CD36: variants seen among roughly 807,000 people sequenced by gnomAD.
CD36 encodes platelet glycoprotein 4.
CD36 carries 119 observed loss-of-function variants against 55.2 expected under a neutral mutation model. That is an observed-to-expected ratio of 2.15 (90% CI 1.86 to 2.51). The LOEUF (loss-of-function observed/expected upper bound fraction) is 2.51. Among genes scored for constraint, CD36 ranks in the 30% most tolerant of loss-of-function variants. The probability of loss-of-function intolerance (pLI) is 0.00; values close to 1 mark genes in which losing one functional copy is unlikely to be tolerated. For missense variants in CD36, 819 were observed against 555.5 expected (o/e 1.47, Z -4.77); for synonymous variants, 186 against 193.6 (o/e 0.96, Z 0.33).
At chr7:80,657,204 C>T (rs994129090) in intron 4 of CD36, among the ~76,000 whole-genome samples, 1 of 152,148 alleles carries the variant, frequency 6.6e-6, no homozygotes, top group Non-Finnish European at 1.5e-5. Context: ...AATCCCTCCA[C>T]CCCATCCCAG....
chr7:80,664,639 G>A, intron 7 of CD36, 142 bp downstream of exon 7: 1 of 668,674 alleles, frequency 1.5e-6, no homozygotes, highest in South Asian at 1.6e-5. Context: ...CTCCTGTTCT[G>A]CTAGGTATTA....
rs1199164229 is a variant in CD36, at chr7:80,672,858, A to G, written c.1199+15A>G. 2 of 1,576,350 alleles carry G rather than the reference A, an allele frequency of 1.3e-6. No individual in the cohort carries two copies. Among genetic ancestry groups the G allele is most frequent in the African/African-American group, 1.4e-5 (1 of 74,042 alleles). On this transcript the variant is annotated intron_variant, in intron 12 of 14. Transcript: ENST00000447544. ...GAAAAAATTCAGTGAGTCTCTTGAA[A>G]ATGGTTATTTTGATATGATCTGTAG... is the stretch of plus-strand genomic sequence containing the variant.
chr7:80,671,028 G>GT lies in CD36; in HGVS notation c.871dup (p.Tyr291LeufsTer2), dbSNP rs1205216797. The GT allele has an allele frequency of 2.5e-6, 4 of 1,613,132 alleles. No homozygotes were observed. The Middle Eastern group carries it at 4.9e-4, about 199-fold the overall frequency. ...ACGTTAATCTGAAAGGAATCCCTGT[G>GT]TATAGATTTGTTCTTCCATCCAAGG... On this transcript the variant is annotated frameshift_variant, in exon 10 of 15. Transcript: ENST00000447544. LOFTEE classifies it high-confidence loss of function.
rs1798188415 is a variant in CD36, at chr7:80,677,088, A to G, written c.*705A>G. 1 of 152,122 alleles carries G rather than the reference A, an allele frequency of 6.6e-6. No homozygotes were observed. Among genetic ancestry groups the G allele is most frequent in the Non-Finnish European group, 1.5e-5 (1 of 68,022 alleles). 9.4% of individuals were successfully genotyped at this position (152,122 alleles called of 1,614,324 possible). A position where few individuals can be genotyped will look rare whatever the true frequency, so the allele number is the denominator to read the frequency against. ...TCTCTCTGAAGTATATTTTATCTGA[A>G]TCCACATTTCTTTATAAATCCATAG... On this transcript the variant is annotated 3_prime_UTR_variant, in exon 15 of 15. Coordinates refer to ENST00000447544, the MANE Select transcript of CD36 (RefSeq NM_001001548.3).
At chr7:80,668,405 G>A (rs73134036) in intron 8 of CD36, among the ~76,000 whole-genome samples, 10 of 152,226 alleles carry the variant, frequency 6.6e-5, no homozygotes, top group Non-Finnish European at 4.4e-5. Context: ...TGGCACTAGC[G>A]AAAAGAAAGT....
chr7:80,616,075 G>A (rs949406173), intron 1 of CD36, among the ~76,000 whole-genome samples: 1 of 152,078 alleles, frequency 6.6e-6, no homozygotes, highest in African/African-American at 2.4e-5. Flanking sequence ...GTTCTTTAGA[G>A]TTGATTCTAT....
intron 1 of CD36, among the ~76,000 whole-genome samples, chr7:80,642,989 C>A (rs1178672735): frequency 2.6e-5 from 4 of 152,116 alleles, no homozygotes; most frequent in Non-Finnish European, 1.5e-5. Flanking sequence ...AAGTTCAAAG[C>A]AGACAGAGCT....
At chr7:80,653,789 A>G (rs1184792864) in intron 3 of CD36, among the ~76,000 whole-genome samples, 3 of 152,206 alleles carry the variant, frequency 2.0e-5, no homozygotes, top group African/African-American at 4.8e-5. Context: ...AGGAGTGACT[A>G]CAATTTAATA....
At chr7:80,623,778 A>G (rs1205849491) in intron 1 of CD36, 3 of 152,194 alleles carry the variant, frequency 2.0e-5, no homozygotes, top group Non-Finnish European at 2.9e-5. Flanking sequence ...TCCTCTAACA[A>G]AGACAAAGGA....
intron 1 of CD36, among the ~76,000 whole-genome samples, chr7:80,613,596 T>C (rs888094627): frequency 3.3e-5 from 5 of 152,132 alleles, no homozygotes; most frequent in African/African-American, 1.2e-4. Flanking sequence ...AACAGGAAAC[T>C]GTAGTTAAGA....
intron 7 of CD36, 29 bp downstream of exon 7, chr7:80,664,526 T>A: frequency 8.7e-7 from 1 of 1,149,426 alleles, no homozygotes; most frequent in Non-Finnish European, 1.3e-6. Context: ...TGTGCATGTA[T>A]GTTACTAGGG....
chr7:80,673,781 C>T (rs1797966642), intron 13 of CD36: 1 of 603,074 alleles, frequency 1.7e-6, no homozygotes, highest in Non-Finnish European at 2.9e-6. Flanking sequence ...GCAAATGAAT[C>T]CTAGTACATT....
At chr7:80,667,819 G>A (rs1205376174) in intron 8 of CD36, among the ~76,000 whole-genome samples, 2 of 140,964 alleles carry the variant, frequency 1.4e-5, no homozygotes, top group Admixed American at 7.4e-5. Flanking sequence ...GTGCGATCTC[G>A]GCTCACTGCA....
chr7:80,631,058 A>G (rs187723601), intron 1 of CD36, among the ~76,000 whole-genome samples: 380 of 152,162 alleles, frequency 2.5e-3, no homozygotes, highest in Non-Finnish European at 3.9e-3. Context: ...CGTGTCCGAG[A>G]AGTCTCTGAG....
intron 14 of CD36, among the ~76,000 whole-genome samples, chr7:80,675,663 A>AAGAT (rs1798133635): frequency 6.6e-6 from 1 of 152,162 alleles, no homozygotes; most frequent in Non-Finnish European, 1.5e-5. Flanking sequence ...AGAATCACAA[A>AAGAT]AGATATGTAG....
At chr7:80,634,797 G>A (rs1794286614), upstream of CD36, among the ~76,000 whole-genome samples, 1 of 151,758 alleles carries the variant, frequency 6.6e-6, no homozygotes, top group Admixed American at 6.6e-5. Context: ...CTAAAAGAAA[G>A]TTTATTTTTT....
At chr7:80,631,309 CATG>C (rs772863440) in intron 1 of CD36, among the ~76,000 whole-genome samples, 13 of 151,980 alleles carry the variant, frequency 8.6e-5, no homozygotes, top group Non-Finnish European at 1.6e-4. Flanking sequence ...AGGCAGGGCT[CATG>C]ATAACTAAAC....
intron 4 of CD36, among the ~76,000 whole-genome samples, chr7:80,660,192 A>G (rs1796411214): frequency 6.6e-6 from 1 of 152,118 alleles, no homozygotes; most frequent in South Asian, 2.1e-4. Flanking sequence ...TCCACTTGTG[A>G]AATGTATTTT....
intron 1 of CD36, among the ~76,000 whole-genome samples, chr7:80,629,163 G>A (rs1038857935): frequency 6.6e-6 from 1 of 151,994 alleles, no homozygotes; most frequent in Non-Finnish European, 1.5e-5. Flanking sequence ...GCACTCTTCC[G>A]GCACAGGTGG....
Sources: gnomAD v4.1 joint callset for allele counts (sites outside exome capture counted in the v4.1 genomes callset) on GRCh38, gnomAD v4.1.1 for gene constraint, MANE v1.5 for transcripts, NCBI Gene and HGNC (gene_info 2026-07-23, HGNC 2026-07-21) for gene names.